The following CNTN5 variants were observed in gnomAD, a reference collection of about 807,000 sequenced individuals.
The protein encoded by CNTN5 is contactin 5, also known as contactin-5.
Under a neutral mutation model 129.1 loss-of-function variants are expected in CNTN5, and 77 were observed. The ratio of observed to expected loss-of-function variants is 0.60; its 90% CI spans 0.50 to 0.72. CNTN5 has a LOEUF of 0.72. Ranked by LOEUF, CNTN5 falls within the 30% of genes least tolerant of loss-of-function variation. The pLI, the probability that CNTN5 is intolerant of heterozygous loss-of-function variation, is 0.00. For missense variants in CNTN5, 1,478 were observed against 1,328.8 expected (o/e 1.11, Z -1.75); for synonymous variants, 509 against 465.6 (o/e 1.09, Z -1.20).
chr11:99,158,371 G>T (rs968058788), intron 1 of CNTN5, among the ~76,000 whole-genome samples: 9 of 151,926 alleles, frequency 5.9e-5, no homozygotes, highest in African/African-American at 4.8e-5. Flanking sequence ...TCCCTCTCTC[G>T]TATAGTTATT....
intron 2 of CNTN5, among the ~76,000 whole-genome samples, chr11:99,521,639 C>T (rs1484928526): frequency 1.3e-5 from 2 of 152,114 alleles, no homozygotes; most frequent in African/African-American, 2.4e-5. Context: ...CTATTTCCCA[C>T]CATCACTTTT....
chr11:100,043,020 C>A (rs1218349901), intron 9 of CNTN5, among the ~76,000 whole-genome samples: 1 of 148,220 alleles, frequency 6.7e-6, no homozygotes, highest in East Asian at 1.9e-4. Flanking sequence ...TAGCTAAAAT[C>A]AGTCCTTTGT....
intron 3 of CNTN5, among the ~76,000 whole-genome samples, chr11:99,643,831 A>G (rs1951854720): frequency 7.7e-6 from 1 of 129,476 alleles, no homozygotes; most frequent in African/African-American, 2.8e-5. Flanking sequence ...CTATGTTTAA[A>G]TTCTTATATT....
chr11:100,215,609 T>A (rs1420961694), intron 15 of CNTN5, among the ~76,000 whole-genome samples: 1 of 152,112 alleles, frequency 6.6e-6, no homozygotes, highest in Non-Finnish European at 1.5e-5. Flanking sequence ...AAATTTTAAA[T>A]ACCCCATAAT....
intron 23 of CNTN5, 89 bp downstream of exon 23, chr11:100,341,294 A>T (rs995372045): frequency 1.2e-5 from 11 of 891,844 alleles, no homozygotes; most frequent in Non-Finnish European, 1.8e-5. Flanking sequence ...AAAAAGACCC[A>T]TTAACCAACC....
rs139789972 is a variant in CNTN5 at position 99,250,705 on chromosome 11, A to G, written c.-209-74641A>G. Among the ~76,000 whole-genome samples, 16 of 151,978 alleles carry G rather than the reference A, an allele frequency of 1.1e-4. No homozygotes were observed. In the East Asian group the frequency reaches 3.1e-3, roughly 29 times the overall value. On this transcript the variant is annotated intron_variant, in intron 1 of 24. Transcript: ENST00000524871. ...GATGTTTCCATAGATGACTGATTAT[A>G]CTTGTTATAGTGGCAAGTACTATCA... is the stretch of plus-strand genomic sequence containing the variant.
At chr11:99,519,997 C>G (rs1320587834) in intron 2 of CNTN5, among the ~76,000 whole-genome samples, 1 of 152,040 alleles carries the variant, frequency 6.6e-6, no homozygotes, top group African/African-American at 2.4e-5. Context: ...TACTTGTCTG[C>G]CATTTTTGTG....
rs918873081 is a variant in CNTN5, at chr11:99,399,540, G to A, written c.-71+74056G>A. 3.3e-5 allele frequency among the ~76,000 whole-genome samples: 5 copies of A among 151,722 alleles called. No individual in the cohort carries two copies. The East Asian group carries it at 9.6e-4, about 29-fold the overall frequency. On this transcript the variant is annotated intron_variant, in intron 2 of 24. Transcript: ENST00000524871. ...CCTCACACATTATCTAAAGATAAGA[G>A]CCGATTATGTAATAACACATTCTAA...
chr11:99,386,708 C>G (rs377110735), intron 2 of CNTN5, among the ~76,000 whole-genome samples: 8 of 152,082 alleles, frequency 5.3e-5, no homozygotes, highest in East Asian at 3.9e-4. Context: ...TTACCCAGCT[C>G]CTATTCAAGA....
intron 2 of CNTN5, among the ~76,000 whole-genome samples, chr11:99,473,037 A>G (rs1010276107): frequency 6.6e-6 from 1 of 152,188 alleles, no homozygotes; most frequent in Non-Finnish European, 1.5e-5. Flanking sequence ...TGCTGCCAGA[A>G]GAAGTGATTC....
chr11:99,885,400 A>C (rs892525912), intron 6 of CNTN5, among the ~76,000 whole-genome samples: 5 of 152,234 alleles, frequency 3.3e-5, no homozygotes, highest in Admixed American at 2.6e-4. Flanking sequence ...AAGAAACCAC[A>C]CAACTTGGTG....
intron 1 of CNTN5, among the ~76,000 whole-genome samples, chr11:99,196,346 T>C (rs540888321): frequency 1.8e-4 from 27 of 152,090 alleles, no homozygotes; most frequent in African/African-American, 3.8e-4. Context: ...ATTGTAAATA[T>C]TTGTATAACT....
intron 18 of CNTN5, among the ~76,000 whole-genome samples, chr11:100,292,471 T>C (rs1951010274): frequency 6.6e-6 from 1 of 152,030 alleles, no homozygotes; most frequent in Non-Finnish European, 1.5e-5. Flanking sequence ...GGAACTATTA[T>C]TTATTGTTCT....
intron 21 of CNTN5, chr11:100,337,228 G>A: frequency 1.9e-6 from 3 of 1,541,070 alleles, no homozygotes; most frequent in Non-Finnish European, 1.8e-6. Context: ...AGAAACATAT[G>A]TGAAAGTGGC....
intron 3 of CNTN5, among the ~76,000 whole-genome samples, chr11:99,735,108 A>G (rs1265379584): frequency 2.0e-5 from 3 of 152,208 alleles, no homozygotes; most frequent in Admixed American, 2.0e-4. Context: ...TTCTACATGT[A>G]TTATTCGTAC....
At chr11:99,512,237 T>C (rs976950074) in intron 2 of CNTN5, among the ~76,000 whole-genome samples, 1 of 152,198 alleles carries the variant, frequency 6.6e-6, no homozygotes, top group Non-Finnish European at 1.5e-5. Context: ...TACATTTAGA[T>C]ACATGCGTAA....
chr11:99,927,933 G>A (rs960290986), intron 7 of CNTN5, among the ~76,000 whole-genome samples: 7 of 152,130 alleles, frequency 4.6e-5, no homozygotes. Flanking sequence ...CCTGGTATGA[G>A]CCTCTAACAT....
chr11:99,709,507 AAAAT>A lies in CNTN5; in HGVS notation c.56-110033_56-110030del, dbSNP rs957295847. Among the ~76,000 whole-genome samples the A allele has an allele frequency of 1.7e-3, 264 of 151,806 alleles. 5 individuals carry two copies. The highest frequency in any genetic ancestry group is 0.017 in the Admixed American group (263 of 15,208). On this transcript the variant is annotated intron_variant, in intron 3 of 24. Coordinates refer to ENST00000524871, the MANE Select transcript of CNTN5 (RefSeq NM_014361.4). Reference sequence around the variant, plus strand: ...GCACATGCACGTAATTACATTTGTAAAAATAAAGACACATATGCATATATACATA... The same window carrying A: ...GCACATGCACGTAATTACATTTGTAAAAAGACACATATGCATATATACATA...
intron 20 of CNTN5, among the ~76,000 whole-genome samples, chr11:100,306,015 G>A (rs186897649): frequency 6.6e-6 from 1 of 151,192 alleles, no homozygotes; most frequent in Non-Finnish European, 1.5e-5. Flanking sequence ...TTTTGGGGGG[G>A]GCACATTCAA....
Sources: gnomAD v4.1 joint callset for allele counts (sites outside exome capture counted in the v4.1 genomes callset) on GRCh38, gnomAD v4.1.1 for gene constraint, MANE v1.5 for transcripts, NCBI Gene and HGNC (gene_info 2026-07-23, HGNC 2026-07-21) for gene names.